The following CFAP299 variants were observed in gnomAD, a reference collection of about 807,000 sequenced individuals.
The protein encoded by CFAP299 is cilia- and flagella-associated protein 299.
In CFAP299, 21 loss-of-function variants were observed where a neutral mutation model predicts 27.0. That is an observed-to-expected ratio of 0.78 (90% CI 0.55 to 1.12). The LOEUF (loss-of-function observed/expected upper bound fraction) is 1.12, where lower values mean the gene tolerates loss of function less well. Ranked by LOEUF, CFAP299 falls within the 50% of genes most tolerant of loss-of-function variation. CFAP299 has a pLI of 0.00. For synonymous variants in CFAP299, 104 were observed against 98.1 expected (o/e 1.06, Z -0.36); for missense variants, 310 against 276.6 (o/e 1.12, Z -0.86).
At chr4:80,627,675 C>T (rs1256028327) in intron 3 of CFAP299, among the ~76,000 whole-genome samples, 1 of 151,912 alleles carries the variant, frequency 6.6e-6, no homozygotes, top group Non-Finnish European at 1.5e-5. Context: ...ATACAACACT[C>T]GGTAGTGTTT....
At chr4:80,733,704 G>A (rs1342653019) in intron 3 of CFAP299, among the ~76,000 whole-genome samples, 1 of 152,006 alleles carries the variant, frequency 6.6e-6, no homozygotes, top group Non-Finnish European at 1.5e-5. Context: ...ACAAATATGT[G>A]ACACTGAGTG....
At chr4:80,812,580 T>C (rs1433562322) in intron 3 of CFAP299, among the ~76,000 whole-genome samples, 1 of 152,072 alleles carries the variant, frequency 6.6e-6, no homozygotes, top group Non-Finnish European at 1.5e-5. Flanking sequence ...AGATACTACA[T>C]AGGGCTTGAA....
chr4:80,882,595 G>A (rs901380723), intron 4 of CFAP299, among the ~76,000 whole-genome samples: 1 of 151,236 alleles, frequency 6.6e-6, no homozygotes, highest in African/African-American at 2.4e-5. Context: ...CCGAGATAGC[G>A]CCGCTGCACT....
At chr4:80,801,111 GAC>G (rs1253640252) in intron 3 of CFAP299, among the ~76,000 whole-genome samples, 1 of 150,926 alleles carries the variant, frequency 6.6e-6, no homozygotes, top group Non-Finnish European at 1.5e-5. Context: ...CACCCTCACA[GAC>G]ACACCCAGAA....
chr4:80,604,085 A>T (rs1216455815), intron 3 of CFAP299, among the ~76,000 whole-genome samples: 1 of 152,148 alleles, frequency 6.6e-6, no homozygotes, highest in Non-Finnish European at 1.5e-5. Flanking sequence ...CATTATCCTT[A>T]CCTTTAGGAG....
At chr4:80,608,994 G>T (rs1329942925) in intron 3 of CFAP299, among the ~76,000 whole-genome samples, 1 of 151,918 alleles carries the variant, frequency 6.6e-6, no homozygotes, top group African/African-American at 2.4e-5. Context: ...ACTTGAGATT[G>T]CCTACATTTA....
chr4:80,602,156 G>A (rs1227438012), intron 3 of CFAP299, among the ~76,000 whole-genome samples: 6 of 151,908 alleles, frequency 3.9e-5, no homozygotes, highest in Non-Finnish European at 7.4e-5. Context: ...TATAACAAAT[G>A]CCCATGACAC....
intron 2 of CFAP299, among the ~76,000 whole-genome samples, chr4:80,498,468 C>T (rs948998468): frequency 6.6e-6 from 1 of 151,940 alleles, no homozygotes; most frequent in Non-Finnish European, 1.5e-5. Flanking sequence ...AAGACATACA[C>T]GTGGCCTAAC....
intron 2 of CFAP299, among the ~76,000 whole-genome samples, chr4:80,538,439 T>C (rs1202432911): frequency 1.3e-5 from 2 of 152,138 alleles, no homozygotes; most frequent in Admixed American, 1.3e-4. Context: ...CTAAGTATTA[T>C]ACAAGAATAT....
chr4:80,836,891 A>C (rs1730591025), intron 3 of CFAP299, among the ~76,000 whole-genome samples: 1 of 152,038 alleles, frequency 6.6e-6, no homozygotes, highest in Non-Finnish European at 1.5e-5. Context: ...GTAGTCACTC[A>C]ATTAAAAAAA....
chr4:80,854,111 A>C (rs561190148), intron 3 of CFAP299, among the ~76,000 whole-genome samples: 1 of 152,334 alleles, frequency 6.6e-6, no homozygotes, highest in Admixed American at 6.5e-5. Flanking sequence ...AGATTGAAGA[A>C]GCAGAATAAA....
At chr4:80,483,685 T>C (rs1412015078) in intron 2 of CFAP299, among the ~76,000 whole-genome samples, 1 of 152,148 alleles carries the variant, frequency 6.6e-6, no homozygotes, top group Non-Finnish European at 1.5e-5. Flanking sequence ...GTTGAAAATA[T>C]TTTAAAAGTA....
chr4:80,329,208 C>CATATATAT, the CFAP299 span, among the ~76,000 whole-genome samples: 13,521 of 135,750 alleles, frequency 0.1, 804 homozygotes, highest in Non-Finnish European at 0.12. Flanking sequence ...ACACTGTATA[C>CATATATAT]ATATATATAT....
intron 2 of CFAP299, among the ~76,000 whole-genome samples, chr4:80,421,905 A>G (rs142940043): frequency 6.6e-6 from 1 of 152,328 alleles, no homozygotes; most frequent in African/African-American, 2.4e-5. Flanking sequence ...TAAGTTCTAT[A>G]AGTAAATTAA....
chr4:80,416,015 T>C (rs1382224819), intron 2 of CFAP299, among the ~76,000 whole-genome samples: 1 of 152,224 alleles, frequency 6.6e-6, no homozygotes, highest in African/African-American at 2.4e-5. Context: ...AAAGCGGGCA[T>C]AATTTCTGCT....
chr4:80,497,059 C>T (rs983484882), intron 2 of CFAP299, among the ~76,000 whole-genome samples: 3 of 152,134 alleles, frequency 2.0e-5, no homozygotes, highest in African/African-American at 7.2e-5. Flanking sequence ...CCAGGCCCCA[C>T]CTTCAACATT....
chr4:80,737,776 A>C (rs1439892370), intron 3 of CFAP299, among the ~76,000 whole-genome samples: 1 of 152,106 alleles, frequency 6.6e-6, no homozygotes, highest in Non-Finnish European at 1.5e-5. Context: ...GAAAAAAATA[A>C]AAATAAATTT....
At chr4:80,459,647 A>G (rs979658464) in intron 2 of CFAP299, among the ~76,000 whole-genome samples, 1 of 152,154 alleles carries the variant, frequency 6.6e-6, no homozygotes, top group African/African-American at 2.4e-5. Context: ...CACTGCCACT[A>G]ACAATATTAA....
chr4:80,859,080 G>C (rs1439695568), intron 3 of CFAP299, among the ~76,000 whole-genome samples: 1 of 152,174 alleles, frequency 6.6e-6, no homozygotes, highest in Admixed American at 6.5e-5. Flanking sequence ...GTTGCTTTGT[G>C]AATCTGGGTG....
Sources: allele counts gnomAD v4.1 joint callset (sites outside exome capture counted in the v4.1 genomes callset), GRCh38; gene constraint gnomAD v4.1.1; transcripts MANE v1.5; gene names NCBI Gene and HGNC (gene_info 2026-07-23, HGNC 2026-07-21).